The following DAZAP1 variants were observed in gnomAD, a reference collection of about 807,000 sequenced individuals.
DAZAP1 encodes DAZ-associated protein 1.
Under a neutral mutation model 60.1 loss-of-function variants are expected in DAZAP1, and 6 were observed. The observed-to-expected ratio is 0.10, with a 90% confidence interval of 0.05 to 0.20. The LOEUF (loss-of-function observed/expected upper bound fraction) is 0.20, where lower values mean the gene tolerates loss of function less well. Ranked by LOEUF, DAZAP1 falls within the 10% of genes least tolerant of loss-of-function variation. The probability of loss-of-function intolerance (pLI) is 1.00; values close to 1 mark genes in which losing one functional copy is unlikely to be tolerated. For synonymous variants in DAZAP1, 235 were observed against 215.9 expected (o/e 1.09, Z -0.78); for missense variants, 366 against 560.4 (o/e 0.65, Z 3.50).
intron 1 of DAZAP1, among the ~76,000 whole-genome samples, chr19:1,409,565 C>T (rs1251178043): frequency 3.3e-5 from 5 of 152,248 alleles, no homozygotes; most frequent in African/African-American, 1.2e-4. Flanking sequence ...CAGGAGTGTC[C>T]ACTGCTTTCT....
intron 8 of DAZAP1, 94 bp downstream of exon 8, chr19:1,429,089 T>C: frequency 7.1e-7 from 1 of 1,401,518 alleles, no homozygotes; most frequent in Non-Finnish European, 9.4e-7. Context: ...CCTCCCCACC[T>C]CTGCTGTGCA....
Position 1,428,862 on chromosome 19 carries a change from G to A in DAZAP1, c.567G>A (p.Glu189=), listed in dbSNP as rs1569089527. 1.9e-6 allele frequency: 3 copies of A among 1,613,074 alleles called. No homozygotes were observed. Among genetic ancestry groups the A allele is most frequent in the Non-Finnish European group, 2.5e-6 (3 of 1,179,906 alleles). Residue 189 remains glutamate, a synonymous_variant, in exon 8 of 12, where the codon GAG becomes GAA. Transcript: ENST00000233078. This position sits in a 1 kb window ranked among gnomAD's most constrained non-coding sequence, Gnocchi z 4.0. ...TTTAGGTGGAAGTTAAACGAGCTGA[G>A]CCTCGGGACAGCAAGAGCCAAGCGC... ...MGKKVEVKRA[E]PRDSKSQAPG...
intron 8 of DAZAP1, 22 bp from the exon 9 acceptor site, chr19:1,429,945 C>T (rs933307617): frequency 1.3e-6 from 2 of 1,560,892 alleles, no homozygotes; most frequent in Non-Finnish European, 8.7e-7. Flanking sequence ...GCGCCAACCT[C>T]CTCTTCTGTT....
chr19:1,424,897 C>T lies in DAZAP1; in HGVS notation c.464-981C>T, dbSNP rs565410637. On this transcript the variant is annotated intron_variant, in intron 6 of 11. Coordinates refer to ENST00000233078, the MANE Select transcript of DAZAP1 (RefSeq NM_018959.4). ...GTGTGCTTTGCGGTGTCACGCTCCA[C>T]CTAGCCGGGGAGGCCTGGAGAGCCC... Among the ~76,000 whole-genome samples the T allele has an allele frequency of 6.6e-5, 10 of 152,332 alleles. No homozygotes were observed. In the East Asian group the frequency reaches 1.7e-3, roughly 27 times the overall value.
At chr19:1,411,659 G>A (rs1049190789) in intron 1 of DAZAP1, among the ~76,000 whole-genome samples, 17 of 152,346 alleles carry the variant, frequency 1.1e-4, no homozygotes, top group African/African-American at 4.1e-4. Context: ...GCAGCAGCGC[G>A]CAGCGTGCCC....
intron 1 of DAZAP1, among the ~76,000 whole-genome samples, chr19:1,413,989 C>CTCTG (rs1555780540): frequency 2.8e-4 from 37 of 130,156 alleles, no homozygotes; most frequent in East Asian, 2.0e-3. Context: ...CCCCAGTGAA[C>CTCTG]TGTGTGTGTG....
rs1477078963 is a variant in DAZAP1 at position 1,418,451 on chromosome 19, C to T, written c.237+81C>T. ...GCTTCATTTTTTCCTGGACTCTGAC[C>T]GATGTTTGCGTTAGAGTATGTTTGA... On this transcript the variant is annotated intron_variant, in intron 3 of 11. Coordinates refer to ENST00000233078, the MANE Select transcript of DAZAP1 (RefSeq NM_018959.4). The surrounding 1 kb of genome is among the most constrained non-coding windows in gnomAD (Gnocchi z 5.7). 3.4e-5 allele frequency: 53 copies of T among 1,539,200 alleles called. No homozygotes were observed. Among genetic ancestry groups the T allele is most frequent in the East Asian group, 1.8e-4 (8 of 44,304 alleles).
In DAZAP1 at chr19:1,423,358, TTAAG is replaced by T. The variant is rs1035857748; in HGVS notation, c.463+967_463+970del. Among the ~76,000 whole-genome samples the T allele has an allele frequency of 2.6e-5, 4 of 152,390 alleles. No individual in the cohort carries two copies. The highest frequency in any genetic ancestry group is 2.1e-4 in the South Asian group (1 of 4,830). On this transcript the variant is annotated intron_variant, in intron 6 of 11. Transcript: ENST00000233078. This position sits in a 1 kb window ranked among gnomAD's most constrained non-coding sequence, Gnocchi z 6.8. ...TGTTTCATAGTAAAGTACAGTGATG[TTAAG>T]TAAGCTGTTTTTCCTTTTCTCTCTG...
chr19:1,418,239 G>A lies in DAZAP1; in HGVS notation c.106G>A (p.Val36Ile). 6.2e-7 allele frequency: 1 copy of A among 1,614,212 alleles called. No individual in the cohort carries two copies. Among genetic ancestry groups the A allele is most frequent in the Non-Finnish European group, 8.5e-7 (1 of 1,180,048 alleles). ...CAGCTACTTTTCCCAATATGGAGAA[G>A]TCGTAGATTGTGTTATCATGAAAGA... ...LRSYFSQYGE[V>I]VDCVIMKDKT... The change falls in exon 3 of 12, where the codon GTC (valine) becomes ATC (isoleucine). Residue 36 changes from valine to isoleucine, a missense_variant. Around this residue, in one of 3 missense-constraint regions of DAZAP1, gnomAD observed 98 missense variants for 155.3 expected, o/e 0.63. Transcript: ENST00000233078. This position sits in a 1 kb window ranked among gnomAD's most constrained non-coding sequence, Gnocchi z 5.7.
intron 8 of DAZAP1, among the ~76,000 whole-genome samples, chr19:1,429,508 G>A (rs868056086): frequency 2.0e-5 from 3 of 152,218 alleles, no homozygotes; most frequent in South Asian, 4.1e-4. Flanking sequence ...GCTGCAGCCC[G>A]ACCCGAGTTG....
chr19:1,432,931 C>A lies in DAZAP1; in HGVS notation c.1048+241C>A. 1 of 523,870 alleles carries A rather than the reference C, an allele frequency of 1.9e-6. No individual in the cohort carries two copies. The highest frequency in any genetic ancestry group is 3.4e-6 in the Non-Finnish European group (1 of 296,620). 32.5% of individuals were successfully genotyped at this position (523,870 alleles called of 1,614,324 possible). A position where few individuals can be genotyped will look rare whatever the true frequency, so the allele number is the denominator to read the frequency against. ...TCGTCATACAGCAGGTGCTGCAGGG[C>A]CTGCATGTGTGGGAACCTGAGTGGC... On this transcript the variant is annotated intron_variant, in intron 11 of 11. Coordinates refer to ENST00000233078, the MANE Select transcript of DAZAP1 (RefSeq NM_018959.4). The surrounding 1 kb of genome is among the most constrained non-coding windows in gnomAD (Gnocchi z 4.9).
At chr19:1,411,510 A>G (rs1179914903) in intron 1 of DAZAP1, among the ~76,000 whole-genome samples, 1 of 152,126 alleles carries the variant, frequency 6.6e-6, no homozygotes, top group African/African-American at 2.4e-5. Context: ...ATTCCTGTGA[A>G]TGGGCCTTGA....
Position 1,433,947 on chromosome 19 carries a change from T to TG in DAZAP1, c.1049-789dup. ...GCGGTGCCCTCTGGGAAGGGGCCCT[T>TG]GCCGGTGCCAAGACATTGGCCACAA... is the stretch of plus-strand genomic sequence containing the variant. On this transcript the variant is annotated intron_variant, in intron 11 of 11. Coordinates refer to ENST00000233078, the MANE Select transcript of DAZAP1 (RefSeq NM_018959.4). The surrounding 1 kb of genome is among the most constrained non-coding windows in gnomAD (Gnocchi z 6.1). 1.1e-6 allele frequency: 1 copy of TG among 874,160 alleles called. No individual in the cohort carries two copies. Among genetic ancestry groups the TG allele is most frequent in the East Asian group, 2.6e-5 (1 of 38,334 alleles). 54.2% of individuals were successfully genotyped at this position (874,160 alleles called of 1,614,324 possible). A position where few individuals can be genotyped will look rare whatever the true frequency, so the allele number is the denominator to read the frequency against.
chr19:1,424,728 C>T (rs1007561631), intron 6 of DAZAP1, among the ~76,000 whole-genome samples: 3 of 152,176 alleles, frequency 2.0e-5, no homozygotes, highest in East Asian at 1.9e-4. Flanking sequence ...GCACCCTGTG[C>T]CTCTGGCGCG....
chr19:1,421,165 C>T lies in DAZAP1; in HGVS notation c.321C>T (p.Ser107=), dbSNP rs539223963. Residue 107 remains serine, a synonymous_variant, in exon 5 of 12, where the codon AGC becomes AGT. Coordinates refer to ENST00000233078, the MANE Select transcript of DAZAP1 (RefSeq NM_018959.4). ...PKEGWQKGPR[S]DNSKSNKIFV... is the part of the protein sequence containing the mutation. Reference sequence around the variant, plus strand: ...TTCAACAGCAGAAAGGACCCAGGAGCGATAACAGTAAATCAAATAAGATAT... The same window carrying T: ...TTCAACAGCAGAAAGGACCCAGGAGTGATAACAGTAAATCAAATAAGATAT... 1.1e-5 allele frequency: 18 copies of T among 1,614,114 alleles called. No homozygotes were observed. Among genetic ancestry groups the T allele is most frequent in the Middle Eastern group, 1.6e-4 (1 of 6,062 alleles).
chr19:1,407,628 C>CGCCGCT lies in DAZAP1; in HGVS notation c.-141_-140insTGCCGC. On this transcript the variant is annotated 5_prime_UTR_variant, in exon 1 of 12. Transcript: ENST00000233078. The stretch of plus-strand genomic sequence containing the variant: ...GCCGAGGGGAGGAGGCAGCCGCCGC[C>CGCCGCT]GCCGCCGCCGCCGCCGCCGCCGCCG... 1 of 690,938 alleles carries CGCCGCT rather than the reference C, an allele frequency of 1.4e-6. No homozygotes were observed. Among genetic ancestry groups the CGCCGCT allele is most frequent in the South Asian group, 6.1e-5 (1 of 16,460 alleles). The allele number at this position is 690,938 out of a possible 1,614,324, so 42.8% of individuals were successfully genotyped here. A position where few individuals can be genotyped will look rare whatever the true frequency, so the allele number is the denominator to read the frequency against.
intron 4 of DAZAP1, 46 bp from the exon 5 acceptor site, chr19:1,421,102 T>C (rs767907386): frequency 6.3e-6 from 10 of 1,584,690 alleles, no homozygotes; most frequent in Non-Finnish European, 7.8e-6. Flanking sequence ...GCGGGAGGGT[T>C]TGGAGGGTTC....
intron 10 of DAZAP1, among the ~76,000 whole-genome samples, chr19:1,431,678 T>C (rs1020672885): frequency 9.9e-5 from 15 of 152,170 alleles, no homozygotes; most frequent in African/African-American, 3.6e-4. Flanking sequence ...ATCCAGAATT[T>C]TAGACGGGGC....
chr19:1,408,803 C>T (rs1214285504), intron 1 of DAZAP1, among the ~76,000 whole-genome samples: 8 of 152,228 alleles, frequency 5.3e-5, no homozygotes, highest in African/African-American at 1.9e-4. Flanking sequence ...CAGGGCTCGG[C>T]GCCATTCTTT....
Sources: gnomAD v4.1 joint callset for allele counts (sites outside exome capture counted in the v4.1 genomes callset) on GRCh38, gnomAD v4.1.1 for gene constraint, gnomAD v4.1.1 regional missense constraint, Gnocchi (gnomAD v3.1) non-coding constraint, MANE v1.5 for transcripts, NCBI Gene and HGNC (gene_info 2026-07-23, HGNC 2026-07-21) for gene names.